Variants in C4orf50 observed in about 807,000 individuals in gnomAD.
The protein encoded by C4orf50 is uncharacterized protein C4orf50.
A neutral mutation model predicts 77.2 loss-of-function variants in C4orf50; 80 were observed. The observed-to-expected ratio is 1.04, with a 90% CI of 0.87 to 1.25. The LOEUF is 1.25. C4orf50 is among the 50% of genes most tolerant of loss of function. The pLI is 0.00. For synonymous variants in C4orf50, 532 were observed against 465.3 expected (o/e 1.14, Z -1.84); for missense variants, 1,257 against 1,152.9 (o/e 1.09, Z -1.31).
At chr4:5,962,249 C>T (rs539352342) in intron 33 of C4orf50, among the ~76,000 whole-genome samples, 1 of 152,322 alleles carries the variant, frequency 6.6e-6, no homozygotes, top group South Asian at 2.1e-4. Flanking sequence ...GACATTCTGC[C>T]ATCTTGCTGC....
exon 28 of C4orf50, chr4:5,990,465 C>T: frequency 2.5e-6 from 1 of 400,552 alleles, no homozygotes. Context: ...TGTAGGGGGC[C>T]TCGTGGAAGA....
chr4:5,945,920 G>A (rs758511731), intron 7 of C4orf50, among the ~76,000 whole-genome samples: 23 of 152,144 alleles, frequency 1.5e-4, no homozygotes, highest in Admixed American at 3.3e-4. Flanking sequence ...GACGTCCCTG[G>A]CTCCCTCGGC....
At chr4:5,957,725 G>A (rs981389583) in exon 34 of C4orf50, 1 of 152,114 alleles carries the variant, frequency 6.6e-6, no homozygotes, top group Admixed American at 6.6e-5. Flanking sequence ...ATCAATCCAG[G>A]AATACATGGA....
At chr4:6,005,236 A>T (rs1056899717) in intron 25 of C4orf50, among the ~76,000 whole-genome samples, 1 of 152,298 alleles carries the variant, frequency 6.6e-6, no homozygotes, top group African/African-American at 2.4e-5. Context: ...TGCTGATGAG[A>T]GACCGAGGCA....
chr4:5,931,060 T>C (rs1157042627), intron 7 of C4orf50, among the ~76,000 whole-genome samples: 1 of 152,144 alleles, frequency 6.6e-6, no homozygotes, highest in Non-Finnish European at 1.5e-5. Flanking sequence ...TCTGTCCCAG[T>C]GAGACTAGGA....
exon 28 of C4orf50, chr4:5,988,778 C>G (rs112659630): frequency 9.8e-5 from 150 of 1,535,986 alleles, no homozygotes; most frequent in South Asian, 5.2e-4. Context: ...AGAAGGTGCT[C>G]GTTCTCCCCA....
chr4:5,966,377 A>T (rs1719565497), intron 32 of C4orf50, among the ~76,000 whole-genome samples: 1 of 151,950 alleles, frequency 6.6e-6, no homozygotes, highest in Non-Finnish European at 1.5e-5. Context: ...CGGGAGGCTG[A>T]GGCAAGAGAA....
At chr4:5,939,502 G>A (rs1718173420) in intron 7 of C4orf50, among the ~76,000 whole-genome samples, 1 of 152,208 alleles carries the variant, frequency 6.6e-6, no homozygotes. Context: ...AGCCCAGTGT[G>A]CTCACTGACG....
At chr4:5,949,964 G>A (rs1466598215) in intron 7 of C4orf50, among the ~76,000 whole-genome samples, 2 of 148,584 alleles carry the variant, frequency 1.3e-5, no homozygotes, top group Non-Finnish European at 3.0e-5. Context: ...ACTCCAGCCT[G>A]GGCAACAAGA....
intron 7 of C4orf50, chr4:5,900,000 G>A (rs1054354262): frequency 3.9e-5 from 6 of 152,138 alleles, no homozygotes; most frequent in African/African-American, 7.2e-5. Context: ...GAGCCCTTCC[G>A]ACCACATGAC....
intron 7 of C4orf50, among the ~76,000 whole-genome samples, chr4:5,927,301 C>T (rs774607065): frequency 1.8e-4 from 27 of 152,076 alleles, no homozygotes; most frequent in Admixed American, 3.3e-4. Flanking sequence ...CCATCTCTGA[C>T]ACTGACCGCT....
intron 29 of C4orf50, among the ~76,000 whole-genome samples, chr4:5,976,456 G>T (rs1435925304): frequency 1.3e-5 from 1 of 78,452 alleles, no homozygotes; most frequent in South Asian, 6.6e-4. Flanking sequence ...GCTCTGTCTC[G>T]GAAAAAAAAA....
chr4:5,931,509 C>T (rs879661458), intron 7 of C4orf50, among the ~76,000 whole-genome samples: 13 of 152,166 alleles, frequency 8.5e-5, no homozygotes, highest in Non-Finnish European at 1.9e-4. Flanking sequence ...GAGCAATTTT[C>T]CCCAAGGTCA....
chr4:5,992,929 G>A lies in C4orf50; in HGVS notation c.1095C>T (p.Gly365=). 1 of 399,072 alleles carries A rather than the reference G, an allele frequency of 2.5e-6. No homozygotes were observed. Among genetic ancestry groups the A allele is most frequent in the Non-Finnish European group, 4.4e-6 (1 of 226,106 alleles). The allele number at this position is 399,072 out of a possible 1,614,324, so 24.7% of individuals were successfully genotyped here. A position where few individuals can be genotyped will look rare whatever the true frequency, so the allele number is the denominator to read the frequency against. The stretch of plus-strand genomic sequence containing the variant: ...AGGTGCAGGGCCCCTCTGGGGACTG[G>A]CCTGGAAAGCAACAAGACCCTGGGG... Residue 365 remains glycine, a splice_region_variant and synonymous_variant, in exon 27 of 34, where the codon GGC becomes GGT. Coordinates refer to ENST00000531445, the Ensembl canonical transcript of C4orf50. The surrounding 1 kb of genome is among the most constrained non-coding windows in gnomAD (Gnocchi z 5.0).
intron 7 of C4orf50, among the ~76,000 whole-genome samples, chr4:5,945,432 G>T (rs1258731950): frequency 6.6e-6 from 1 of 152,210 alleles, no homozygotes; most frequent in African/African-American, 2.4e-5. Context: ...CCCGGCCAGA[G>T]TGCCAGCACC....
intron 7 of C4orf50, among the ~76,000 whole-genome samples, chr4:5,947,506 G>A (rs533454616): frequency 3.2e-4 from 49 of 152,292 alleles, no homozygotes; most frequent in African/African-American, 1.1e-3. Context: ...GCAACCAGGC[G>A]ACCTGTCCAT....
In C4orf50 at chr4:6,018,349, A is replaced by G. The variant is rs1722760544; in HGVS notation, c.83T>C (p.Met28Thr). The G allele has an allele frequency of 5.0e-6, 2 of 398,824 alleles. No individual in the cohort carries two copies. Among genetic ancestry groups the G allele is most frequent in the Non-Finnish European group, 8.8e-6 (2 of 226,078 alleles). 24.7% of individuals were successfully genotyped at this position (398,824 alleles called of 1,614,324 possible). A position where few individuals can be genotyped will look rare whatever the true frequency, so the allele number is the denominator to read the frequency against. ...TGTGTCAATCTTCACATCAACGTTC[A>G]TTATGTCGAACCCCTCACTGCTGGG... Residue 28 changes from methionine (M) to threonine (T), a missense_variant, in exon 23 of 34, where the codon ATG becomes ACG. Transcript: ENST00000531445. This position sits in a 1 kb window ranked among gnomAD's most constrained non-coding sequence, Gnocchi z 5.1.
chr4:5,959,452 C>G, exon 34 of C4orf50: 1 of 1,614,172 alleles, frequency 6.2e-7, no homozygotes, highest in Non-Finnish European at 8.5e-7. Context: ...TGGTGAAAAG[C>G]CAGGATCCTT....
chr4:6,009,149 G>A lies in C4orf50; in HGVS notation c.427-617C>T, dbSNP rs114929837. Among the ~76,000 whole-genome samples, 1,089 of 152,296 alleles carry A rather than the reference G, an allele frequency of 7.2e-3. 12 individuals carry two copies. The highest frequency in any genetic ancestry group is 0.025 in the African/African-American group (1,020 of 41,548). On this transcript the variant is annotated intron_variant, in intron 24 of 33. Transcript: ENST00000531445. The surrounding 1 kb of genome is among the most constrained non-coding windows in gnomAD (Gnocchi z 5.6). Reference sequence around the variant, plus strand: ...ATTCACTGCGGCCAGGATGCCAAGCGCCTTGTATCTGACTCAGGCCTTTTC... The same window carrying A: ...ATTCACTGCGGCCAGGATGCCAAGCACCTTGTATCTGACTCAGGCCTTTTC...
Sources: gnomAD v4.1 joint callset for allele counts (sites outside exome capture counted in the v4.1 genomes callset) on GRCh38, gnomAD v4.1.1 for gene constraint, Gnocchi (gnomAD v3.1) non-coding constraint, MANE v1.5 for transcripts, NCBI Gene and HGNC (gene_info 2026-07-23, HGNC 2026-07-21) for gene names.